Variants in MRPL51 observed in about 807,000 individuals in gnomAD.
MRPL51 encodes the protein large ribosomal subunit protein mL51.
MRPL51 carries 6 observed loss-of-function variants against 15.0 expected under a neutral mutation model. That is an observed-to-expected ratio of 0.40 (90% CI 0.22 to 0.79). The LOEUF (loss-of-function observed/expected upper bound fraction) is 0.79, where lower values mean the gene tolerates loss of function less well. MRPL51 is among the 30% of genes least tolerant of loss of function. The pLI is 0.36. For missense variants in MRPL51, 155 were observed against 166.4 expected (o/e 0.93, Z 0.38); for synonymous variants, 65 against 58.3 (o/e 1.11, Z -0.52).
chr12:6,492,725 A>G, intron 2 of MRPL51, 137 bp downstream of exon 2: 1 of 922,348 alleles, frequency 1.1e-6, no homozygotes, highest in Non-Finnish European at 1.7e-6. Context: ...ACAGTGCCAA[A>G]CACAATGTAA....
chr12:6,492,193 T>C lies in MRPL51; in HGVS notation c.*78A>G. The C allele has an allele frequency of 7.0e-7, 1 of 1,421,266 alleles. No individual in the cohort carries two copies. The highest frequency in any genetic ancestry group is 9.5e-7 in the Non-Finnish European group (1 of 1,052,726). The allele number at this position is 1,421,266 out of a possible 1,614,324, so 88.0% of individuals were successfully genotyped here. On this transcript the variant is annotated 3_prime_UTR_variant, in exon 3 of 3. Transcript: ENST00000229238. ...TTATTACAGAGAAAATACAAAGCCG[T>C]TTCCTCACAGGGAAAAGTACAGTTT...
rs1565535779 is a variant in MRPL51, at chr12:6,492,321, G to GT, written c.336dup (p.Arg113ThrfsTer10). On this transcript the variant is annotated frameshift_variant, in exon 3 of 3. Transcript: ENST00000229238. LOFTEE classifies it high-confidence loss of function. ...AAGTGTTTGTAGAGATAGCGGATGC[G>GT]TTTATTAAGGTTGTGCAGGTCATCA... 6.2e-7 allele frequency: 1 copy of GT among 1,613,466 alleles called. No individual in the cohort carries two copies.
Position 6,492,449 on chromosome 12 carries a change from G to C in MRPL51, c.209C>G (p.Pro70Arg), listed in dbSNP as rs1300546556. The C allele has an allele frequency of 1.2e-6, 2 of 1,603,648 alleles. No homozygotes were observed. Among genetic ancestry groups the C allele is most frequent in the Non-Finnish European group, 1.7e-6 (2 of 1,176,614 alleles). The stretch of plus-strand genomic sequence containing the variant: ...TATGGGCCCCCTGATCAGTTCTTTG[G>C]GGTGCTTTTCAAAGTTTCCTGTGTA... Reference protein sequence around the residue: ...IGILGNFEKHPKELIRGPIWL... With the variant: ...IGILGNFEKHRKELIRGPIWL... The change falls in exon 3 of 3, where the codon CCC (proline) becomes CGC (arginine). Residue 70 changes from proline to arginine, a missense_variant. Coordinates refer to ENST00000229238, the MANE Select transcript of MRPL51 (RefSeq NM_016497.4).
chr12:6,492,118 C>G lies in MRPL51; in HGVS notation c.*153G>C. 1.4e-6 allele frequency: 1 copy of G among 738,514 alleles called. No homozygotes were observed. Among genetic ancestry groups the G allele is most frequent in the East Asian group, 2.7e-5 (1 of 36,548 alleles). 45.7% of individuals were successfully genotyped at this position (738,514 alleles called of 1,614,324 possible). A position where few individuals can be genotyped will look rare whatever the true frequency, so the allele number is the denominator to read the frequency against. On this transcript the variant is annotated 3_prime_UTR_variant, in exon 3 of 3. Transcript: ENST00000229238. ...TAGTCTACATGAGTAGAGGCAGCAT[C>G]TAGAGGAAAACAAAAGTATGTGGCT...
chr12:6,492,146 C>G lies in MRPL51; in HGVS notation c.*125G>C. ...GAGGAAAACAAAAGTATGTGGCTAT[C>G]AAATTCCAAAGAAGCCCCATTTTAT... On this transcript the variant is annotated 3_prime_UTR_variant, in exon 3 of 3. Coordinates refer to ENST00000229238, the MANE Select transcript of MRPL51 (RefSeq NM_016497.4). 2 of 1,026,934 alleles carry G rather than the reference C, an allele frequency of 1.9e-6. No individual in the cohort carries two copies. Among genetic ancestry groups the G allele is most frequent in the East Asian group, 5.0e-5 (2 of 40,138 alleles). 63.6% of individuals were successfully genotyped at this position (1,026,934 alleles called of 1,614,324 possible).
At position 6,492,928 on chromosome 12, in the gene MRPL51, T is replaced by G. The variant is rs776093164; in HGVS notation, c.124A>C (p.Lys42Gln). 6.2e-7 allele frequency: 1 copy of G among 1,613,966 alleles called. No homozygotes were observed. The highest frequency in any genetic ancestry group is 1.1e-5 in the South Asian group (1 of 91,070). Residue 42 changes from lysine to glutamine, a missense_variant, in exon 2 of 3, where the codon AAA (lysine) becomes CAA (glutamine). By Grantham distance (53) the Lys-to-Gln change is moderately conservative. Coordinates refer to ENST00000229238, the MANE Select transcript of MRPL51 (RefSeq NM_016497.4). ...TTCTCGTTCCAACGATCAACCACTTTGGGGGGCGGGAGAGTGAGCCTTATA... is the reference window on the plus strand; with the variant it reads ...TTCTCGTTCCAACGATCAACCACTTGGGGGGGCGGGAGAGTGAGCCTTATA... ...IGIRLTLPPP[K>Q]VVDRWNEKRA...
Position 6,492,465 on chromosome 12 carries a change from T to A in MRPL51, c.193A>T (p.Asn65Tyr). 1.9e-6 allele frequency: 3 copies of A among 1,598,962 alleles called. No homozygotes were observed. ...AGTTCTTTGGGGTGCTTTTCAAAGT[T>A]TCCTGTGTAATGTGAGAGAACACAT... ...GVYDNIGILG[N>Y]FEKHPKELIR... The change falls in exon 3 of 3, where the codon AAC becomes TAC. Residue 65 changes from asparagine to tyrosine, a missense_variant and splice_region_variant. Transcript: ENST00000229238.
In MRPL51 at chr12:6,492,857, C is replaced by T. The variant is rs941439553; in HGVS notation, c.190+5G>A. ...TTGTGTACCACGTCGAAGGTCAAGT[C>T]TTACCCAGGATCCCGATGTTGTCAT... On this transcript the variant is annotated splice_donor_5th_base_variant and intron_variant, in intron 2 of 2. Coordinates refer to ENST00000229238, the MANE Select transcript of MRPL51 (RefSeq NM_016497.4). 1 of 1,603,230 alleles carries T rather than the reference C, an allele frequency of 6.2e-7. No homozygotes were observed. Among genetic ancestry groups the T allele is most frequent in the Non-Finnish European group, 8.5e-7 (1 of 1,170,190 alleles).
Position 6,493,095 on chromosome 12 carries a change from C to A in MRPL51, c.42G>T (p.Trp14Cys), listed in dbSNP as rs1945938218. 3.1e-6 allele frequency: 5 copies of A among 1,612,846 alleles called. No homozygotes were observed. Among genetic ancestry groups the A allele is most frequent in the Non-Finnish European group, 4.2e-6 (5 of 1,180,026 alleles). Residue 14 changes from tryptophan (W) to cysteine (C), a missense_variant, in exon 1 of 3, where the codon TGG (tryptophan) becomes TGT (cysteine). Coordinates refer to ENST00000229238, the MANE Select transcript of MRPL51 (RefSeq NM_016497.4). ...TTCTGCACGCCAGAGGCACCCAGTC[C>A]CACAGGCGCCTACCTGCCCCGGATA... Reference protein sequence around the residue: ...NLLSGAGRRLWDWVPLACRSF... With the variant: ...NLLSGAGRRLCDWVPLACRSF...
intron 2 of MRPL51, 64 bp downstream of exon 2, chr12:6,492,798 A>C: frequency 6.8e-7 from 1 of 1,465,690 alleles, no homozygotes; most frequent in Non-Finnish European, 9.6e-7. Context: ...CAGGAGGAAA[A>C]GATAGTCGTT....
intron 2 of MRPL51, among the ~76,000 whole-genome samples, 153 bp downstream of exon 2, chr12:6,492,709 C>G (rs985947951): frequency 2.0e-5 from 3 of 152,130 alleles, no homozygotes; most frequent in Non-Finnish European, 2.9e-5. Context: ...TACGAGGGGA[C>G]TCAGAACAGT....
chr12:6,492,211 T>C lies in MRPL51; in HGVS notation c.*60A>G. The C allele has an allele frequency of 6.8e-7, 1 of 1,472,716 alleles. No homozygotes were observed. Among genetic ancestry groups the C allele is most frequent in the South Asian group, 1.4e-5 (1 of 73,336 alleles). The allele number at this position is 1,472,716 out of a possible 1,614,324, so 91.2% of individuals were successfully genotyped here. ...AAAGCCGTTTCCTCACAGGGAAAAG[T>C]ACAGTTTCCCTTCTCCAGGGTGACA... is the stretch of plus-strand genomic sequence containing the variant. On this transcript the variant is annotated 3_prime_UTR_variant, in exon 3 of 3. Transcript: ENST00000229238.
In MRPL51 at chr12:6,491,981, C is replaced by T. The variant is rs189909858; in HGVS notation, c.*290G>A. The T allele has an allele frequency of 3.3e-4, 96 of 294,890 alleles. No homozygotes were observed. Among genetic ancestry groups the T allele is most frequent in the Non-Finnish European group, 5.0e-4 (80 of 159,346 alleles). 18.3% of individuals were successfully genotyped at this position (294,890 alleles called of 1,614,324 possible). ...GCATTATGTCAAAAAGCGCCAATAA[C>T]ATTCTCACCAACTTTTCTTTTTAAA... On this transcript the variant is annotated 3_prime_UTR_variant, in exon 3 of 3. Transcript: ENST00000229238.
In MRPL51 at chr12:6,492,301, T is replaced by G. The variant is rs1478095410; in HGVS notation, c.357A>C (p.Lys119Asn). The G allele has an allele frequency of 1.2e-6, 2 of 1,611,940 alleles. No individual in the cohort carries two copies. The highest frequency in any genetic ancestry group is 2.7e-5 in the African/African-American group (2 of 74,810). The change falls in exon 3 of 3, where the codon AAA becomes AAC. Residue 119 changes from lysine (K) to asparagine (N), a missense_variant. Physicochemically the swap from Lys to Asn is moderately conservative, Grantham distance 94 (BLOSUM62 0). Coordinates refer to ENST00000229238, the MANE Select transcript of MRPL51 (RefSeq NM_016497.4). Reference protein sequence around the residue: ...NLNKRIRYLYKHFNRHGKFR With the variant: ...NLNKRIRYLYNHFNRHGKFR ...GAAACTTCCCATGTCGGTTAAAGTGTTTGTAGAGATAGCGGATGCGTTTAT... is the reference window on the plus strand; with the variant it reads ...GAAACTTCCCATGTCGGTTAAAGTGGTTGTAGAGATAGCGGATGCGTTTAT...
At chr12:6,492,765 T>G in intron 2 of MRPL51, 97 bp downstream of exon 2, 1 of 1,232,666 alleles carries the variant, frequency 8.1e-7, no homozygotes, top group Non-Finnish European at 1.2e-6. Context: ...CTCTTACTAT[T>G]GAGCACAGTA....
chr12:6,492,768 G>A, intron 2 of MRPL51, 94 bp downstream of exon 2: 1 of 1,259,500 alleles, frequency 7.9e-7, no homozygotes, highest in Non-Finnish European at 1.2e-6. Flanking sequence ...TTACTATTGA[G>A]CACAGTACCA....
rs1565535788 is a variant in MRPL51, at chr12:6,492,335, T to C, written c.323A>G (p.His108Arg). 1 of 1,614,156 alleles carries C rather than the reference T, an allele frequency of 6.2e-7. No homozygotes were observed. The highest frequency in any genetic ancestry group is 1.1e-5 in the South Asian group (1 of 91,056). ...VGSRMFADDL[H>R]NLNKRIRYLY... ...ATAGCGGATGCGTTTATTAAGGTTG[T>C]GCAGGTCATCAGCGAACATTCTACT... The change falls in exon 3 of 3, where the codon CAC becomes CGC. Residue 108 changes from histidine (H) to arginine (R), a missense_variant. Physicochemically the swap from His to Arg is conservative, Grantham distance 29. Transcript: ENST00000229238.
chr12:6,492,611 G>C (rs897359220), intron 2 of MRPL51, 144 bp from the exon 3 acceptor site: 12 of 916,392 alleles, frequency 1.3e-5, no homozygotes, highest in Middle Eastern at 2.5e-4. Context: ...ACAGACTCTG[G>C]AGCCAGACTG....
In MRPL51 at chr12:6,492,849, G is replaced by T; in HGVS notation, c.190+13C>A. ...TTCTGAAATTGTGTACCACGTCGAA[G>T]GTCAAGTCTTACCCAGGATCCCGAT... On this transcript the variant is annotated intron_variant, in intron 2 of 2. Coordinates refer to ENST00000229238, the MANE Select transcript of MRPL51 (RefSeq NM_016497.4). The T allele has an allele frequency of 6.3e-7, 1 of 1,588,992 alleles. No individual in the cohort carries two copies. The highest frequency in any genetic ancestry group is 8.6e-7 in the Non-Finnish European group (1 of 1,157,318).
Sources: gnomAD v4.1 joint callset for allele counts (sites outside exome capture counted in the v4.1 genomes callset) on GRCh38, gnomAD v4.1.1 for gene constraint, MANE v1.5 for transcripts, NCBI Gene and HGNC (gene_info 2026-07-23, HGNC 2026-07-21) for gene names.